GALNTL6: variants seen among roughly 807,000 people sequenced by gnomAD.
GALNTL6 encodes polypeptide N-acetylgalactosaminyltransferase-like 6.
Under a neutral mutation model 73.7 loss-of-function variants are expected in GALNTL6, and 46 were observed. The observed-to-expected ratio is 0.62, with a 90% CI of 0.49 to 0.80. The LOEUF is 0.80. Among genes scored for constraint, GALNTL6 ranks in the 30% least tolerant of loss-of-function variants. GALNTL6 has a pLI of 0.00. For missense variants in GALNTL6, 604 were observed against 755.0 expected (o/e 0.80, Z 2.34); for synonymous variants, 259 against 263.7 (o/e 0.98, Z 0.17).
chr4:171,954,431 G>A (rs1738983350), intron 2 of GALNTL6, among the ~76,000 whole-genome samples: 1 of 152,132 alleles, frequency 6.6e-6, no homozygotes, highest in Admixed American at 6.6e-5. Flanking sequence ...AGCAATAAAA[G>A]TAAATTAAAT....
chr4:172,624,804 T>C (rs1208190270), intron 5 of GALNTL6, among the ~76,000 whole-genome samples: 2 of 151,722 alleles, frequency 1.3e-5, no homozygotes, highest in Non-Finnish European at 2.9e-5. Context: ...AGGTCTTTTT[T>C]TTCTTTTATT....
chr4:172,567,855 G>C (rs186684106), intron 5 of GALNTL6, among the ~76,000 whole-genome samples: 1 of 152,008 alleles, frequency 6.6e-6, no homozygotes, highest in Non-Finnish European at 1.5e-5. Context: ...AAATTGTCAA[G>C]ACATTATATT....
At chr4:172,055,032 G>A (rs1730982146) in intron 2 of GALNTL6, among the ~76,000 whole-genome samples, 1 of 152,084 alleles carries the variant, frequency 6.6e-6, no homozygotes, top group South Asian at 2.1e-4. Context: ...TGGGTCCAGA[G>A]CATTAGAACT....
chr4:172,832,809 G>A (rs1285272227), intron 7 of GALNTL6, among the ~76,000 whole-genome samples: 1 of 152,128 alleles, frequency 6.6e-6, no homozygotes, highest in Non-Finnish European at 1.5e-5. Flanking sequence ...TATCTGGGTG[G>A]CTTCATCCTC....
At chr4:172,682,783 G>C (rs535287587) in intron 5 of GALNTL6, among the ~76,000 whole-genome samples, 85 of 152,082 alleles carry the variant, frequency 5.6e-4, no homozygotes, top group African/African-American at 2.0e-3. Flanking sequence ...TTTTAACCTG[G>C]TCAGTTCCAG....
At chr4:172,231,263 T>C (rs1737062522) in intron 3 of GALNTL6, among the ~76,000 whole-genome samples, 1 of 152,172 alleles carries the variant, frequency 6.6e-6, no homozygotes, top group Admixed American at 6.5e-5. Flanking sequence ...TTTTTGGAAA[T>C]GTTTTCATAA....
At chr4:172,047,486 G>A (rs1358081402) in intron 2 of GALNTL6, among the ~76,000 whole-genome samples, 1 of 152,010 alleles carries the variant, frequency 6.6e-6, no homozygotes, top group Non-Finnish European at 1.5e-5. Flanking sequence ...TTTTCCACCT[G>A]AGAACAAAGC....
At chr4:172,966,235 G>A (rs1750319177) in intron 10 of GALNTL6, among the ~76,000 whole-genome samples, 1 of 152,134 alleles carries the variant, frequency 6.6e-6, no homozygotes, top group Non-Finnish European at 1.5e-5. Flanking sequence ...GCTGGCTTCT[G>A]TGATAACTAA....
At chr4:171,885,847 C>G (rs1468559737) in intron 2 of GALNTL6, among the ~76,000 whole-genome samples, 2 of 151,968 alleles carry the variant, frequency 1.3e-5, no homozygotes, top group African/African-American at 2.4e-5. Flanking sequence ...TTGTAAGTAC[C>G]TTTATATTAG....
intron 2 of GALNTL6, among the ~76,000 whole-genome samples, chr4:171,901,282 G>C (rs141359624): frequency 4.8e-4 from 73 of 152,234 alleles, no homozygotes; most frequent in African/African-American, 1.6e-3. Flanking sequence ...AACAACAGAG[G>C]GGGTAAGAAA....
intron 2 of GALNTL6, among the ~76,000 whole-genome samples, chr4:172,182,347 G>A (rs1735275234): frequency 3.9e-5 from 6 of 152,040 alleles, no homozygotes; most frequent in African/African-American, 1.4e-4. Context: ...GAGCTGGGAG[G>A]GTTTTAGAAA....
chr4:172,788,634 T>G lies in GALNTL6; in HGVS notation c.554-20727T>G, dbSNP rs534242017. Among the ~76,000 whole-genome samples the G allele has an allele frequency of 4.4e-5, 6 of 136,908 alleles. No individual in the cohort carries two copies. The East Asian group carries it at 1.3e-3, about 30-fold the overall frequency. 89.8% of individuals were successfully genotyped at this position (136,908 alleles called of 152,430 possible). A position where few individuals can be genotyped will look rare whatever the true frequency, so the allele number is the denominator to read the frequency against. On this transcript the variant is annotated intron_variant, in intron 5 of 12. Transcript: ENST00000506823. ...TTGCAGTGGGCCGATATCGCACCAC[T>G]GCACTCCAGCCTGAGGGACAGGGCA...
chr4:172,670,873 C>A (rs894631664), intron 5 of GALNTL6, among the ~76,000 whole-genome samples: 1 of 152,016 alleles, frequency 6.6e-6, no homozygotes, highest in African/African-American at 2.4e-5. Context: ...TATATGGCTA[C>A]CCAGTTATCC....
intron 5 of GALNTL6, among the ~76,000 whole-genome samples, chr4:172,662,805 A>C (rs116767263): frequency 6.5e-4 from 99 of 152,330 alleles, no homozygotes; most frequent in African/African-American, 2.2e-3. Flanking sequence ...AAATAATTTC[A>C]GATGGTGGTA....
intron 4 of GALNTL6, among the ~76,000 whole-genome samples, chr4:172,317,151 T>C (rs1008113896): frequency 2.0e-5 from 3 of 152,206 alleles, no homozygotes; most frequent in Non-Finnish European, 2.9e-5. Context: ...GTCAGCACTA[T>C]ATGCTATTTC....
chr4:172,152,765 C>T (rs549256139), intron 2 of GALNTL6, among the ~76,000 whole-genome samples: 28 of 152,166 alleles, frequency 1.8e-4, no homozygotes, highest in African/African-American at 5.5e-4. Context: ...CCCACCACGA[C>T]GACAAGCTAG....
chr4:172,694,616 A>T (rs764093140), intron 5 of GALNTL6, among the ~76,000 whole-genome samples: 8 of 152,290 alleles, frequency 5.3e-5, no homozygotes, highest in South Asian at 2.1e-4. Context: ...TCAGTGATCT[A>T]TGGGGGCTGG....
chr4:172,390,444 T>C (rs1303184106), intron 5 of GALNTL6, among the ~76,000 whole-genome samples: 1 of 152,156 alleles, frequency 6.6e-6, no homozygotes, highest in East Asian at 1.9e-4. Context: ...AATAAACAAT[T>C]GATAAGTTTT....
At chr4:172,201,101 T>C (rs1233832460) in intron 2 of GALNTL6, among the ~76,000 whole-genome samples, 1 of 151,950 alleles carries the variant, frequency 6.6e-6, no homozygotes, top group Non-Finnish European at 1.5e-5. Flanking sequence ...TGTTAAACAC[T>C]GAAACAACTG....
Sources: gnomAD v4.1 joint callset for allele counts (sites outside exome capture counted in the v4.1 genomes callset) on GRCh38, gnomAD v4.1.1 for gene constraint, MANE v1.5 for transcripts, NCBI Gene and HGNC (gene_info 2026-07-23, HGNC 2026-07-21) for gene names.